GNAQ: variants seen among roughly 807,000 people sequenced by gnomAD.
The protein encoded by GNAQ is guanine nucleotide-binding protein G(q) subunit alpha.
In GNAQ, 8 loss-of-function variants were observed where a neutral mutation model predicts 43.9. The ratio of observed to expected loss-of-function variants is 0.18; its 90% CI spans 0.11 to 0.33. The LOEUF (loss-of-function observed/expected upper bound fraction) is 0.33. Ranked by LOEUF, GNAQ falls within the 10% of genes least tolerant of loss-of-function variation. GNAQ has a pLI of 1.00. For synonymous variants in GNAQ, 155 were observed against 170.7 expected, an observed-to-expected ratio of 0.91 and a Z score of 0.71; for missense variants, 158 against 450.8, an observed-to-expected ratio of 0.35 and a Z score of 5.88.
chr9:77,979,695 G>A (rs781175871), intron 1 of GNAQ, among the ~76,000 whole-genome samples: 1 of 152,120 alleles, frequency 6.6e-6, no homozygotes, highest in Non-Finnish European at 1.5e-5. Context: ...ATTCTGAACT[G>A]CATCTTATGA....
intron 2 of GNAQ, among the ~76,000 whole-genome samples, chr9:77,863,029 C>T (rs560864532): frequency 6.6e-6 from 1 of 152,238 alleles, no homozygotes; most frequent in African/African-American, 2.4e-5. Context: ...ACAAAATTAG[C>T]CGGGTGTGGT....
At chr9:77,972,928 G>A (rs1341215865) in intron 1 of GNAQ, among the ~76,000 whole-genome samples, 1 of 148,890 alleles carries the variant, frequency 6.7e-6, no homozygotes, top group African/African-American at 2.5e-5. Flanking sequence ...ACTCCAGCCT[G>A]GGTGACAACA....
intron 1 of GNAQ, among the ~76,000 whole-genome samples, chr9:77,950,414 C>A (rs910180241): frequency 1.3e-5 from 2 of 152,216 alleles, no homozygotes; most frequent in Non-Finnish European, 2.9e-5. Context: ...CATCCTTGAA[C>A]ACACACACCA....
intron 1 of GNAQ, among the ~76,000 whole-genome samples, chr9:77,929,328 G>A (rs1829113612): frequency 6.6e-6 from 1 of 152,142 alleles, no homozygotes; most frequent in African/African-American, 2.4e-5. Flanking sequence ...CAGCTAATGA[G>A]GGAGAAGGTA....
intron 2 of GNAQ, among the ~76,000 whole-genome samples, chr9:77,880,923 G>T (rs1354168848): frequency 6.6e-6 from 1 of 152,152 alleles, no homozygotes; most frequent in African/African-American, 2.4e-5. Flanking sequence ...AACTGGGACT[G>T]AATATATTCT....
At chr9:77,882,042 G>A (rs1828217242) in intron 2 of GNAQ, among the ~76,000 whole-genome samples, 1 of 152,276 alleles carries the variant, frequency 6.6e-6, no homozygotes, top group African/African-American at 2.4e-5. Context: ...AGAGGCTGCG[G>A]CAGGAGAACT....
intron 2 of GNAQ, among the ~76,000 whole-genome samples, chr9:77,886,386 T>TAAA (rs11371901): frequency 2.1e-5 from 3 of 140,334 alleles, no homozygotes; most frequent in Admixed American, 7.1e-5. Flanking sequence ...GCTATGCTCT[T>TAAA]AAAAAAAAAA....
At chr9:77,877,024 AGATT>A (rs1389073719) in intron 2 of GNAQ, among the ~76,000 whole-genome samples, 2 of 152,182 alleles carry the variant, frequency 1.3e-5, no homozygotes. Context: ...CCATTCAACT[AGATT>A]GATTTTCAAC....
intron 2 of GNAQ, among the ~76,000 whole-genome samples, chr9:77,889,571 A>G (rs1223795789): frequency 6.6e-6 from 1 of 152,122 alleles, no homozygotes; most frequent in African/African-American, 2.4e-5. Flanking sequence ...TCAACTGTCC[A>G]ATGCTTATTG....
At chr9:77,833,120 C>G (rs566630441) in intron 2 of GNAQ, among the ~76,000 whole-genome samples, 1 of 152,136 alleles carries the variant, frequency 6.6e-6, no homozygotes, top group Non-Finnish European at 1.5e-5. Flanking sequence ...GCATGCACCA[C>G]CACACCTGGC....
At chr9:77,863,935 T>C (rs919238927) in intron 2 of GNAQ, among the ~76,000 whole-genome samples, 5 of 152,080 alleles carry the variant, frequency 3.3e-5, no homozygotes, top group African/African-American at 7.2e-5. Flanking sequence ...CCACAACACG[T>C]AGGAATTCAA....
chr9:77,758,320 T>G (rs189569537), intron 5 of GNAQ, among the ~76,000 whole-genome samples: 89 of 152,314 alleles, frequency 5.8e-4, no homozygotes, highest in African/African-American at 2.1e-3. Context: ...CATATAAGGG[T>G]TGAAACAACA....
intron 5 of GNAQ, among the ~76,000 whole-genome samples, chr9:77,769,553 C>T (rs1826187838): frequency 6.6e-6 from 1 of 151,938 alleles, no homozygotes; most frequent in Non-Finnish European, 1.5e-5. Flanking sequence ...TAAGAATGCA[C>T]GTGTTTCTTA....
intron 5 of GNAQ, among the ~76,000 whole-genome samples, chr9:77,745,376 C>T (rs1221814165): frequency 8.6e-5 from 13 of 151,948 alleles, no homozygotes; most frequent in African/African-American, 3.1e-4. Flanking sequence ...ATACTGAGAC[C>T]TAAGCAAACG....
intron 2 of GNAQ, among the ~76,000 whole-genome samples, chr9:77,870,527 C>T (rs796433710): frequency 5.9e-5 from 9 of 151,692 alleles, no homozygotes; most frequent in African/African-American, 1.4e-4. Flanking sequence ...GGGGTTTTAC[C>T]GTGTTAGCCA....
At chr9:78,018,449 A>G (rs972390290) in intron 1 of GNAQ, among the ~76,000 whole-genome samples, 1 of 152,196 alleles carries the variant, frequency 6.6e-6, no homozygotes, top group African/African-American at 2.4e-5. Context: ...ATTTTGTGCA[A>G]AAAACTTGCA....
intron 2 of GNAQ, among the ~76,000 whole-genome samples, chr9:77,905,888 C>G (rs1828699832): frequency 6.6e-6 from 1 of 152,064 alleles, no homozygotes; most frequent in African/African-American, 2.4e-5. Context: ...AATGAGAACA[C>G]ATGGACACAG....
chr9:77,728,892 T>A (rs1825441871), intron 5 of GNAQ, among the ~76,000 whole-genome samples: 1 of 152,096 alleles, frequency 6.6e-6, no homozygotes, highest in Admixed American at 6.5e-5. Context: ...GTAATAATAA[T>A]AAAAATCAGC....
At chr9:77,921,527 G>T (rs1468442611) in intron 2 of GNAQ, among the ~76,000 whole-genome samples, 1 of 152,206 alleles carries the variant, frequency 6.6e-6, no homozygotes, top group Non-Finnish European at 1.5e-5. Context: ...GAGGATACTG[G>T]AAGTGTGCTT....
Sources: allele counts gnomAD v4.1 joint callset (sites outside exome capture counted in the v4.1 genomes callset), GRCh38; gene constraint gnomAD v4.1.1; transcripts MANE v1.5; gene names NCBI Gene and HGNC (gene_info 2026-07-23, HGNC 2026-07-21).